NF1: variants seen among roughly 807,000 people sequenced by gnomAD.
NF1 encodes the protein neurofibromin.
A neutral mutation model predicts 325.7 loss-of-function variants in NF1; 122 were observed. The observed-to-expected ratio is 0.37, with a 90% CI of 0.32 to 0.44. The LOEUF is 0.44. Ranked by LOEUF, NF1 falls within the 20% of genes least tolerant of loss-of-function variation. The probability of loss-of-function intolerance (pLI) is 1.00; values close to 1 mark genes in which losing one functional copy is unlikely to be tolerated. For synonymous variants in NF1, 1,091 were observed against 1,186.0 expected (o/e 0.92, Z 1.65); for missense variants, 2,140 against 3,415.4 (o/e 0.63, Z 9.31).
chr17:31,104,289 G>A (rs1912654080), intron 1 of NF1, among the ~76,000 whole-genome samples: 1 of 152,098 alleles, frequency 6.6e-6, no homozygotes, highest in African/African-American at 2.4e-5. Context: ...AGGATAAGCA[G>A]CGTATTAATT....
At position 31,150,759 on chromosome 17, in the gene NF1, C is replaced by T. The variant is rs187036214; in HGVS notation, c.61-5224C>T. ...AACACAGTGATGCTCCGGCTGGGCA[C>T]GGTGGCTCACGCCTGTAATCCCAGC... On this transcript the variant is annotated intron_variant, in intron 1 of 57. Coordinates refer to ENST00000358273, the MANE Select transcript of NF1 (RefSeq NM_001042492.3). Among the ~76,000 whole-genome samples, 42 of 152,222 alleles carry T rather than the reference C, an allele frequency of 2.8e-4. 1 individual carries two copies. Among genetic ancestry groups the T allele is most frequent in the Middle Eastern group, 6.8e-3 (2 of 294 alleles).
In NF1 at chr17:31,330,294, A is replaced by T. The variant is rs1135402876; in HGVS notation, c.5610-2A>T. ...AACAACTTCATTTGTGTTTTCTCCT[A>T]GGTCAGCTGCCTATAATCTTCTGTG... is the stretch of plus-strand genomic sequence containing the variant. On this transcript the variant is annotated splice_acceptor_variant, in intron 38 of 57. Transcript: ENST00000358273. LOFTEE classifies it high-confidence loss of function. The T allele has an allele frequency of 6.2e-7, 1 of 1,613,842 alleles. No individual in the cohort carries two copies. The highest frequency in any genetic ancestry group is 8.5e-7 in the Non-Finnish European group (1 of 1,179,756).
intron 1 of NF1, among the ~76,000 whole-genome samples, chr17:31,099,229 T>C (rs1912078221): frequency 1.3e-5 from 2 of 152,170 alleles, no homozygotes; most frequent in Admixed American, 6.5e-5. Context: ...TGCACTCTGA[T>C]GGGTATCGCT....
At chr17:31,305,335 G>T (rs1181763291) in intron 36 of NF1, 1 of 1,614,128 alleles carries the variant, frequency 6.2e-7, no homozygotes, top group South Asian at 1.1e-5. Flanking sequence ...ATGTGCTTCT[G>T]GTTTTTCAGA....
At chr17:31,307,751 A>G in intron 36 of NF1, 1 of 502,996 alleles carries the variant, frequency 2.0e-6, no homozygotes. Context: ...ATCTCTTAAC[A>G]TTAGGGAATA....
In NF1 at chr17:31,325,883, A is replaced by C. The variant is rs876658422; in HGVS notation, c.4899A>C (p.Pro1633=). 1 of 1,614,148 alleles carries C rather than the reference A, an allele frequency of 6.2e-7. No homozygotes were observed. The highest frequency in any genetic ancestry group is 1.7e-5 in the Admixed American group (1 of 60,016). The part of the protein sequence containing the change: ...LIYHVLLTLK[P]YYAKPYEIVV... Reference sequence around the variant, plus strand: ...ACCATGTCTTACTGACTTTAAAGCCATATTATGCAAAGCCATATGAAATTG... The same window carrying C: ...ACCATGTCTTACTGACTTTAAAGCCCTATTATGCAAAGCCATATGAAATTG... The change falls in exon 37 of 58, where the codon CCA becomes CCC. Residue 1633 remains proline, a synonymous_variant. Coordinates refer to ENST00000358273, the MANE Select transcript of NF1 (RefSeq NM_001042492.3).
At chr17:31,128,882 C>T (rs535703993) in intron 1 of NF1, among the ~76,000 whole-genome samples, 4 of 151,330 alleles carry the variant, frequency 2.6e-5, no homozygotes, top group Middle Eastern at 3.4e-3. Flanking sequence ...GCCTAGATCG[C>T]GCCACTGCAC....
chr17:31,338,156 CA>C lies in NF1; in HGVS notation c.6819+18del. 4 of 1,508,990 alleles carry C rather than the reference CA, an allele frequency of 2.7e-6. No individual in the cohort carries two copies. The highest frequency in any genetic ancestry group is 3.7e-6 in the Non-Finnish European group (4 of 1,084,108). 93.5% of individuals were successfully genotyped at this position (1,508,990 alleles called of 1,614,324 possible). A position where few individuals can be genotyped will look rare whatever the true frequency, so the allele number is the denominator to read the frequency against. On this transcript the variant is annotated intron_variant, in intron 45 of 57. Transcript: ENST00000358273. ...CTTAGCAAGGTACCTGTTCCGCCCT[CA>C]CTTCTCCCAAATATTTATGGTTCTC...
Position 31,233,047 on chromosome 17 carries a change from A to C in NF1, c.3542A>C (p.Glu1181Ala), listed in dbSNP as rs2067142005. Residue 1181 changes from glutamate (E) to alanine (A), a missense_variant, in exon 27 of 58, where the codon GAA becomes GCA. Physicochemically the swap from Glu to Ala is moderately radical, Grantham distance 107 (BLOSUM62 -1). This residue lies in a region of NF1 where 2 missense variants were observed against 20.4 expected (regional missense o/e 0.10). Transcript: ENST00000358273. ...KDLQTRATFM[E>A]VLTKILQQGT... is the part of the protein sequence containing the mutation. The stretch of plus-strand genomic sequence containing the variant: ...CTCCAGACAAGAGCTACATTTATGG[A>C]AGTTCTGACAAAAATCCTTCAACAA... 1 of 1,614,114 alleles carries C rather than the reference A, an allele frequency of 6.2e-7. No homozygotes were observed.
chr17:31,162,230 A>T (rs1172800878), intron 3 of NF1, among the ~76,000 whole-genome samples: 3 of 151,826 alleles, frequency 2.0e-5, no homozygotes, highest in Admixed American at 1.3e-4. Flanking sequence ...TAATCCCAGC[A>T]CTTTGGGAGG....
intron 12 of NF1, 33 bp downstream of exon 12, chr17:31,206,404 C>T (rs2066624058): frequency 8.1e-6 from 13 of 1,612,586 alleles, no homozygotes; most frequent in Non-Finnish European, 1.0e-5. Context: ...AATCTCACCT[C>T]CTTTCTATTG....
At chr17:31,360,793 T>C in intron 57 of NF1, 90 bp downstream of exon 57, 1 of 1,215,570 alleles carries the variant, frequency 8.2e-7, no homozygotes, top group Admixed American at 1.7e-5. Flanking sequence ...TAGCAAATTT[T>C]GCTCCTTTTT....
intron 1 of NF1, among the ~76,000 whole-genome samples, chr17:31,110,845 C>T (rs1355977700): frequency 2.0e-5 from 3 of 151,770 alleles, no homozygotes; most frequent in African/African-American, 7.3e-5. Context: ...GAAACTTTGG[C>T]GCAGGACTCT....
At chr17:31,365,278 C>CAAAAAAAAAAAAAAAAAA (rs67659795) in intron 57 of NF1, among the ~76,000 whole-genome samples, 5 of 101,068 alleles carry the variant, frequency 4.9e-5, no homozygotes, top group African/African-American at 2.2e-4. Flanking sequence ...GAACCTATCT[C>CAAAAAAAAAAAAAAAAAA]AAAAAAAAAA....
intron 8 of NF1, among the ~76,000 whole-genome samples, chr17:31,185,405 T>C (rs987899672): frequency 2.0e-5 from 3 of 152,214 alleles, no homozygotes; most frequent in African/African-American, 7.2e-5. Context: ...AATGATATTA[T>C]GCTGATTGGA....
At chr17:31,324,101 T>G (rs182208936) in intron 36 of NF1, among the ~76,000 whole-genome samples, 24 of 152,302 alleles carry the variant, frequency 1.6e-4, no homozygotes, top group Admixed American at 4.6e-4. Context: ...GGAATCTCGC[T>G]CTATCGCCCA....
At chr17:31,260,168 C>T (rs1428933762) in intron 33 of NF1, among the ~76,000 whole-genome samples, 1 of 152,152 alleles carries the variant, frequency 6.6e-6, no homozygotes, top group Non-Finnish European at 1.5e-5. Flanking sequence ...TACTTTGAAG[C>T]TGAAGCCGGG....
chr17:31,146,915 GCTGA>G (rs757885793), intron 1 of NF1, among the ~76,000 whole-genome samples: 1 of 152,216 alleles, frequency 6.6e-6, no homozygotes, highest in Non-Finnish European at 1.5e-5. Context: ...CCCTGAAGGG[GCTGA>G]CTGACAGCAC....
At chr17:31,147,279 G>A (rs1916645329) in intron 1 of NF1, among the ~76,000 whole-genome samples, 1 of 152,112 alleles carries the variant, frequency 6.6e-6, no homozygotes, top group Non-Finnish European at 1.5e-5. Context: ...AAAATCATGG[G>A]TTGAATTTAG....
Sources: gnomAD v4.1 joint callset for allele counts (sites outside exome capture counted in the v4.1 genomes callset) on GRCh38, gnomAD v4.1.1 for gene constraint, gnomAD v4.1.1 regional missense constraint, MANE v1.5 for transcripts, NCBI Gene and HGNC (gene_info 2026-07-23, HGNC 2026-07-21) for gene names.